Variants in TMEM164 observed in about 807,000 individuals in gnomAD.
TMEM164 encodes the protein transmembrane protein 164.
A neutral mutation model predicts 18.8 loss-of-function variants in TMEM164; 4 were observed. That is an observed-to-expected ratio of 0.21 (90% CI 0.10 to 0.49). TMEM164 has a LOEUF of 0.49. Ranked by LOEUF, TMEM164 falls within the 20% of genes least tolerant of loss-of-function variation. TMEM164 has a pLI of 0.98. For missense variants in TMEM164, 108 were observed against 239.9 expected, an observed-to-expected ratio of 0.45 and a Z score of 3.63; for synonymous variants, 86 against 101.7, an observed-to-expected ratio of 0.85 and a Z score of 0.93.
rs2067291789 is a variant in TMEM164, at chrX:110,176,517, C to G, written c.*3066C>G. On this transcript the variant is annotated 3_prime_UTR_variant, in exon 7 of 7. Coordinates refer to ENST00000372068, the MANE Select transcript of TMEM164 (RefSeq NM_032227.4). ...CTGCTTGCAGGGTCGCCGGGCTAAC[C>G]AGGGTGATCGGCGAACTTTACCGTA... The G allele has an allele frequency of 1.7e-6, 1 of 594,441 alleles. No individual in the cohort carries two copies. The allele number at this position is 594,441 out of a possible 1,213,427, so 49.0% of individuals were successfully genotyped here. A position where few individuals can be genotyped will look rare whatever the true frequency, so the allele number is the denominator to read the frequency against.
intron 2 of TMEM164, among the ~76,000 whole-genome samples, chrX:110,058,670 T>C (rs1199295299): frequency 1.0e-5 from 1 of 100,212 alleles, no homozygotes; most frequent in Non-Finnish European, 2.0e-5. Flanking sequence ...TGCAGTGGTG[T>C]GATCTCAGCT....
At chrX:110,030,108 G>GGTTTT (rs1934394060) in intron 2 of TMEM164, among the ~76,000 whole-genome samples, 1 of 26,970 alleles carries the variant, frequency 3.7e-5, no homozygotes, top group African/African-American at 1.4e-4. Context: ...TTCTCTGTCT[G>GGTTTT]TTTTTTTTTT....
At chrX:110,114,458 C>T (rs2066332822) in intron 4 of TMEM164, among the ~76,000 whole-genome samples, 1 of 111,874 alleles carries the variant, frequency 8.9e-6, no homozygotes, top group African/African-American at 3.3e-5. Context: ...CAAAGAATAT[C>T]ATCCAATCCA....
At chrX:110,082,464 G>A (rs775823764) in intron 3 of TMEM164, among the ~76,000 whole-genome samples, 1 of 111,714 alleles carries the variant, frequency 9.0e-6, no homozygotes, top group Admixed American at 9.5e-5. Flanking sequence ...CAGTGCCGTT[G>A]ACATCCAAGC....
chrX:110,155,783 G>A (rs900861375), intron 5 of TMEM164, among the ~76,000 whole-genome samples: 4 of 112,049 alleles, frequency 3.6e-5, no homozygotes, highest in African/African-American at 9.7e-5. Context: ...TCCCATCCAG[G>A]ATGAAGACCA....
chrX:110,060,357 G>C (rs1240541535), intron 2 of TMEM164, among the ~76,000 whole-genome samples: 1 of 110,434 alleles, frequency 9.1e-6, no homozygotes, highest in Non-Finnish European at 1.9e-5. Context: ...TGAGAAAGGT[G>C]GGGGATCAGG....
At chrX:110,069,609 G>A (rs1232900918) in intron 3 of TMEM164, among the ~76,000 whole-genome samples, 1 of 105,781 alleles carries the variant, frequency 9.5e-6, no homozygotes, top group African/African-American at 3.5e-5. Flanking sequence ...AGTAGAGATG[G>A]GGTTTCACCA....
intron 2 of TMEM164, among the ~76,000 whole-genome samples, chrX:110,031,601 G>A (rs985305793): frequency 9.0e-6 from 1 of 111,483 alleles, no homozygotes; most frequent in African/African-American, 3.3e-5. Flanking sequence ...AGAATTACAG[G>A]CATGAGCTGC....
chrX:110,138,532 C>T (rs982442123), intron 4 of TMEM164, among the ~76,000 whole-genome samples: 9 of 110,716 alleles, frequency 8.1e-5, no homozygotes, highest in Admixed American at 2.9e-4. Context: ...GTTCTTGGCC[C>T]CTGTAGTATT....
At chrX:110,025,465 G>T (rs1397178974) in intron 2 of TMEM164, among the ~76,000 whole-genome samples, 1 of 111,812 alleles carries the variant, frequency 8.9e-6, no homozygotes, top group Non-Finnish European at 1.9e-5. Context: ...TTCTTCAGCT[G>T]CCAACTCTGC....
intron 3 of TMEM164, among the ~76,000 whole-genome samples, chrX:110,088,114 C>T (rs1316388921): frequency 8.9e-6 from 1 of 112,281 alleles, no homozygotes; most frequent in African/African-American, 3.2e-5. Flanking sequence ...TTATGATACT[C>T]TCAGATTTTT....
rs139348732 is a variant in TMEM164 at position 110,169,818 on chromosome X, G to C, written c.587-1602G>C. On this transcript the variant is annotated intron_variant, in intron 5 of 6. Transcript: ENST00000372068. Reference sequence around the variant, plus strand: ...ATCCCTTCAGGGCAATGATTGGATGGAGCTGAGTGGTGGTTGCCCTCTTTA... The same window carrying C: ...ATCCCTTCAGGGCAATGATTGGATGCAGCTGAGTGGTGGTTGCCCTCTTTA... Among the ~76,000 whole-genome samples the C allele has an allele frequency of 1.4e-3, 157 of 111,884 alleles. 1 individual carries two copies. The highest frequency in any genetic ancestry group is 4.6e-3 in the Middle Eastern group (1 of 217).
chrX:110,011,903 G>A lies in TMEM164; in HGVS notation c.390+7739G>A, dbSNP rs746471502. Among the ~76,000 whole-genome samples, 9 of 112,104 alleles carry A rather than the reference G, an allele frequency of 8.0e-5. No individual in the cohort carries two copies. In the South Asian group the frequency reaches 2.9e-3, roughly 37 times the overall value. On this transcript the variant is annotated intron_variant, in intron 2 of 6. Transcript: ENST00000372068. ...AATTATTTGCTTATTATTATCAGGG[G>A]TAGATGTCTTACTTCTCCCTTGGCC...
chrX:110,005,037 T>C (rs750977035), intron 2 of TMEM164, among the ~76,000 whole-genome samples: 1 of 112,243 alleles, frequency 8.9e-6, no homozygotes, highest in Non-Finnish European at 1.9e-5. Context: ...TGGAGAGATG[T>C]TCTAAAGCTA....
At chrX:110,165,710 A>T (rs1196808646) in intron 5 of TMEM164, among the ~76,000 whole-genome samples, 5 of 112,098 alleles carry the variant, frequency 4.5e-5, no homozygotes, top group African/African-American at 1.6e-4. Context: ...GGTGTAGTGG[A>T]TAGGCATTCA....
intron 2 of TMEM164, among the ~76,000 whole-genome samples, chrX:110,031,463 A>T (rs1934504056): frequency 9.0e-6 from 1 of 110,538 alleles, no homozygotes; most frequent in African/African-American, 3.3e-5. Flanking sequence ...GGGACTACAG[A>T]TGCACACCAC....
chrX:110,060,109 A>T (rs1440999925), intron 2 of TMEM164, among the ~76,000 whole-genome samples: 2 of 109,649 alleles, frequency 1.8e-5, no homozygotes, highest in African/African-American at 6.6e-5. Context: ...CAAAAAATAA[A>T]AAATAAAAAT....
At chrX:110,103,516 C>T (rs1569329886) in intron 3 of TMEM164, among the ~76,000 whole-genome samples, 1 of 110,262 alleles carries the variant, frequency 9.1e-6, no homozygotes, top group East Asian at 2.9e-4. Context: ...AATATAGCCT[C>T]CTGGGGTATA....
At chrX:110,024,991 GGT>G (rs3082762) in intron 2 of TMEM164, among the ~76,000 whole-genome samples, 2,545 of 100,079 alleles carry the variant, frequency 0.025, 82 homozygotes, top group African/African-American at 0.088. Flanking sequence ...GTTATTGTTG[GGT>G]GTGTGTGTGT....
Sources: allele counts gnomAD v4.1 joint callset (sites outside exome capture counted in the v4.1 genomes callset), GRCh38; gene constraint gnomAD v4.1.1; transcripts MANE v1.5; gene names NCBI Gene and HGNC (gene_info 2026-07-23, HGNC 2026-07-21).